Variants in RALYL observed in about 807,000 individuals in gnomAD.
The protein encoded by RALYL is RALY RNA binding protein like.
RALYL carries 29 observed loss-of-function variants against 35.1 expected under a neutral mutation model. That is an observed-to-expected ratio of 0.83 (90% CI 0.61 to 1.13). RALYL has a LOEUF of 1.13. RALYL is among the 50% of genes most tolerant of loss of function. RALYL has a pLI of 0.00. For synonymous variants in RALYL, 120 were observed against 127.6 expected (o/e 0.94, Z 0.40); for missense variants, 359 against 360.4 (o/e 1.00, Z 0.03).
intron 1 of RALYL, among the ~76,000 whole-genome samples, chr8:84,361,983 T>C (rs1853139188): frequency 6.6e-6 from 1 of 152,146 alleles, no homozygotes. Flanking sequence ...AAAATTCCCA[T>C]AATAATTCTT....
At chr8:84,844,156 G>T (rs1563729377) in intron 4 of RALYL, among the ~76,000 whole-genome samples, 1 of 152,052 alleles carries the variant, frequency 6.6e-6, no homozygotes, top group South Asian at 2.1e-4. Context: ...CACAGCAAAA[G>T]AAACTACCAT....
chr8:84,652,108 CTT>C (rs1828965903), intron 2 of RALYL, among the ~76,000 whole-genome samples: 1 of 152,036 alleles, frequency 6.6e-6, no homozygotes, highest in South Asian at 2.1e-4. Context: ...GTGTAAGACA[CTT>C]TGCTGTCAAA....
chr8:84,271,858 T>C (rs1197137007), intron 1 of RALYL, among the ~76,000 whole-genome samples: 1 of 152,104 alleles, frequency 6.6e-6, no homozygotes, highest in Non-Finnish European at 1.5e-5. Flanking sequence ...ATGGGCATAA[T>C]GCAATTTGGG....
At chr8:84,616,589 T>G (rs1207274357) in intron 2 of RALYL, among the ~76,000 whole-genome samples, 3 of 150,070 alleles carry the variant, frequency 2.0e-5, no homozygotes, top group African/African-American at 7.4e-5. Flanking sequence ...AGAAGCTCTT[T>G]AGTTTAATTA....
At chr8:84,192,833 G>A (rs536391406) in intron 1 of RALYL, among the ~76,000 whole-genome samples, 9 of 148,002 alleles carry the variant, frequency 6.1e-5, no homozygotes, top group African/African-American at 2.0e-4. Context: ...TGGAATCACC[G>A]TGCCCAGCCC....
intron 2 of RALYL, among the ~76,000 whole-genome samples, chr8:84,665,246 G>A (rs886992289): frequency 2.0e-5 from 3 of 152,022 alleles, no homozygotes; most frequent in African/African-American, 7.2e-5. Context: ...TTTTTGCATT[G>A]ATCTTCATCA....
intron 1 of RALYL, among the ~76,000 whole-genome samples, chr8:84,247,714 C>T (rs1347292222): frequency 6.6e-6 from 1 of 152,026 alleles, no homozygotes; most frequent in Non-Finnish European, 1.5e-5. Flanking sequence ...TAATAAAGTA[C>T]CCCTTCAAGT....
At chr8:84,851,827 T>A (rs955862065) in intron 5 of RALYL, among the ~76,000 whole-genome samples, 2 of 152,236 alleles carry the variant, frequency 1.3e-5, no homozygotes, top group African/African-American at 4.8e-5. Flanking sequence ...TAGGTTCCTC[T>A]GTTCCTCTCG....
At chr8:84,371,572 C>CACACACACACACACAGAAAGAGAGAGAG (rs60104734) in intron 1 of RALYL, among the ~76,000 whole-genome samples, 94 of 147,454 alleles carry the variant, frequency 6.4e-4, no homozygotes, top group African/African-American at 2.3e-3. Flanking sequence ...CACACACACA[C>CACACACACACACACAGAAAGAGAGAGAG]AGAAAGAGAG....
intron 4 of RALYL, among the ~76,000 whole-genome samples, chr8:84,832,906 T>TA (rs1356631240): frequency 2.0e-5 from 3 of 152,154 alleles, no homozygotes; most frequent in African/African-American, 7.2e-5. Flanking sequence ...AAGGTATTGG[T>TA]ATTCATTATC....
intron 4 of RALYL, among the ~76,000 whole-genome samples, chr8:84,844,773 G>A (rs544885142): frequency 1.3e-4 from 20 of 152,282 alleles, no homozygotes; most frequent in African/African-American, 4.6e-4. Flanking sequence ...TATACAGCAT[G>A]GAATACTATG....
chr8:84,827,657 T>G (rs1414486301), intron 4 of RALYL, among the ~76,000 whole-genome samples: 1 of 152,036 alleles, frequency 6.6e-6, no homozygotes, highest in Non-Finnish European at 1.5e-5. Context: ...TCCATCAAAA[T>G]TTTATGGTAT....
chr8:84,227,056 C>CTTTTTTTTTTT (rs1158995864), intron 1 of RALYL, among the ~76,000 whole-genome samples: 3 of 81,890 alleles, frequency 3.7e-5, no homozygotes, highest in Admixed American at 1.8e-4. Context: ...AATTGTATTT[C>CTTTTTTTTTTT]TTTTTTTTTT....
chr8:84,460,016 A>G (rs760527268), intron 1 of RALYL, among the ~76,000 whole-genome samples: 4 of 151,774 alleles, frequency 2.6e-5, no homozygotes, highest in South Asian at 2.1e-4. Context: ...AGGTTTAAAG[A>G]TGTTGAAGTG....
chr8:84,623,267 G>T (rs969578630), intron 2 of RALYL, among the ~76,000 whole-genome samples: 1 of 152,050 alleles, frequency 6.6e-6, no homozygotes. Flanking sequence ...TCATGTTATC[G>T]TGACACATTA....
At chr8:84,263,054 C>A (rs1832614669) in intron 1 of RALYL, among the ~76,000 whole-genome samples, 2 of 152,112 alleles carry the variant, frequency 1.3e-5, no homozygotes, top group Admixed American at 1.3e-4. Flanking sequence ...ATATACTATC[C>A]TGACTTCTCC....
chr8:84,406,881 C>G (rs2043552532), intron 1 of RALYL, among the ~76,000 whole-genome samples: 1 of 152,026 alleles, frequency 6.6e-6, no homozygotes, highest in Admixed American at 6.6e-5. Flanking sequence ...AAAGGAGTGC[C>G]TGTGCAGACA....
At chr8:84,384,535 C>T (rs1344210800) in intron 1 of RALYL, among the ~76,000 whole-genome samples, 1 of 151,690 alleles carries the variant, frequency 6.6e-6, no homozygotes, top group Admixed American at 6.6e-5. Context: ...ATTTCAAGGA[C>T]CATTATACTT....
At chr8:84,815,679 G>A (rs1043593781) in intron 4 of RALYL, among the ~76,000 whole-genome samples, 7 of 151,868 alleles carry the variant, frequency 4.6e-5, no homozygotes, top group African/African-American at 1.7e-4. Flanking sequence ...TTTCAATGCT[G>A]CATCAGATAT....
Sources: gnomAD v4.1 joint callset for allele counts (sites outside exome capture counted in the v4.1 genomes callset) on GRCh38, gnomAD v4.1.1 for gene constraint, MANE v1.5 for transcripts, NCBI Gene and HGNC (gene_info 2026-07-23, HGNC 2026-07-21) for gene names.